CEP112: variants seen among roughly 807,000 people sequenced by gnomAD.
The protein encoded by CEP112 is centrosomal protein 112.
Under a neutral mutation model 153.0 loss-of-function variants are expected in CEP112, and 127 were observed. The observed-to-expected ratio is 0.83, with a 90% CI of 0.72 to 0.96. The LOEUF (loss-of-function observed/expected upper bound fraction) is 0.96. Among genes scored for constraint, CEP112 ranks in the 40% least tolerant of loss-of-function variants. The pLI is 0.00. For synonymous variants in CEP112, 358 were observed against 374.4 expected, an observed-to-expected ratio of 0.96 and a Z score of 0.51; for missense variants, 1,089 against 1,101.2, an observed-to-expected ratio of 0.99 and a Z score of 0.16.
At chr17:66,113,765 C>T (rs1227847170) in intron 6 of CEP112, among the ~76,000 whole-genome samples, 1 of 152,108 alleles carries the variant, frequency 6.6e-6, no homozygotes, top group Non-Finnish European at 1.5e-5. Context: ...ATTTACAATA[C>T]ACTGAGTTTG....
At chr17:65,753,691 A>C (rs2052032328) in intron 21 of CEP112, among the ~76,000 whole-genome samples, 1 of 152,190 alleles carries the variant, frequency 6.6e-6, no homozygotes. Context: ...AATGCTTAAT[A>C]AAGTATTTGT....
At chr17:66,005,830 CA>C (rs1188536631) in intron 16 of CEP112, 61 bp from the exon 17 acceptor site, 57 of 1,391,046 alleles carry the variant, frequency 4.1e-5, no homozygotes, top group Non-Finnish European at 5.3e-5. Flanking sequence ...TTCAAAGAGA[CA>C]TACAAACAAT....
chr17:65,820,707 T>TA (rs1308739880), intron 21 of CEP112, among the ~76,000 whole-genome samples: 1 of 152,088 alleles, frequency 6.6e-6, no homozygotes, highest in Non-Finnish European at 1.5e-5. Context: ...TTCAACTTCA[T>TA]AAGGTAGTTG....
chr17:66,019,407 T>C (rs993370963), intron 16 of CEP112, among the ~76,000 whole-genome samples: 2 of 152,260 alleles, frequency 1.3e-5, no homozygotes, highest in Admixed American at 1.3e-4. Flanking sequence ...CTTCGAGCTA[T>C]CAAAAAGGAT....
At chr17:65,825,673 A>C (rs981030600) in intron 21 of CEP112, among the ~76,000 whole-genome samples, 5 of 152,214 alleles carry the variant, frequency 3.3e-5, no homozygotes, top group Admixed American at 6.5e-5. Context: ...TACAGTAAAA[A>C]AATAGTTATC....
At chr17:66,077,098 A>T (rs756305096) in intron 8 of CEP112, among the ~76,000 whole-genome samples, 13 of 152,198 alleles carry the variant, frequency 8.5e-5, no homozygotes, top group Non-Finnish European at 7.3e-5. Context: ...CCCAAATGAG[A>T]AGGAATCAGA....
intron 23 of CEP112, among the ~76,000 whole-genome samples, chr17:65,710,195 G>C (rs1007914664): frequency 1.3e-5 from 2 of 152,132 alleles, no homozygotes; most frequent in South Asian, 4.1e-4. Flanking sequence ...TGCTTCTCCT[G>C]AGCACTTGAC....
intron 4 of CEP112, among the ~76,000 whole-genome samples, chr17:66,158,667 C>A (rs1173285150): frequency 6.6e-6 from 1 of 152,118 alleles, no homozygotes; most frequent in Non-Finnish European, 1.5e-5. Context: ...AACAAACACA[C>A]AATGTACCAG....
At chr17:65,940,615 G>T (rs547932283) in intron 18 of CEP112, among the ~76,000 whole-genome samples, 3 of 152,284 alleles carry the variant, frequency 2.0e-5, no homozygotes, top group African/African-American at 7.2e-5. Flanking sequence ...AGGACATTGT[G>T]TTAAGTTAAA....
chr17:65,753,754 C>CTT (rs1303406605), intron 21 of CEP112, among the ~76,000 whole-genome samples: 2 of 152,152 alleles, frequency 1.3e-5, no homozygotes, highest in African/African-American at 2.4e-5. Context: ...AGGCACTGTT[C>CTT]TAAGTGCTTT....
intron 21 of CEP112, among the ~76,000 whole-genome samples, chr17:65,798,352 A>ATT (rs2055060303): frequency 6.6e-6 from 1 of 152,186 alleles, no homozygotes; most frequent in African/African-American, 2.4e-5. Flanking sequence ...ATACTGGGGA[A>ATT]AGGCTAGCTG....
intron 18 of CEP112, among the ~76,000 whole-genome samples, chr17:65,958,272 A>C (rs2062068245): frequency 6.6e-6 from 1 of 152,146 alleles, no homozygotes; most frequent in Non-Finnish European, 1.5e-5. Context: ...ATGCTTTCCT[A>C]TTGTTTTTGT....
chr17:66,179,831 A>G (rs889962492), intron 2 of CEP112, among the ~76,000 whole-genome samples: 2 of 152,132 alleles, frequency 1.3e-5, no homozygotes, highest in African/African-American at 4.8e-5. Context: ...GGTCTGTCAT[A>G]TATGAATTTT....
intron 17 of CEP112, among the ~76,000 whole-genome samples, chr17:65,995,722 T>A (rs1476345300): frequency 1.3e-5 from 2 of 152,206 alleles, no homozygotes; most frequent in African/African-American, 2.4e-5. Flanking sequence ...AACGACTGCA[T>A]CCTCACCCAA....
Position 65,852,048 on chromosome 17 carries a change from A to G in CEP112, c.2164-14T>C, listed in dbSNP as rs754598651. ...GTCGGCAATAACCTTGTTTTTAAAA[A>G]TGGAAAAATGGGCAGAAGATATCAA... On this transcript the variant is annotated splice_polypyrimidine_tract_variant and intron_variant, in intron 20 of 26. Transcript: ENST00000535342. 2 of 1,572,606 alleles carry G rather than the reference A, an allele frequency of 1.3e-6. No individual in the cohort carries two copies. Among genetic ancestry groups the G allele is most frequent in the African/African-American group, 2.7e-5 (2 of 73,420 alleles).
At chr17:65,689,087 G>T in intron 24 of CEP112, 42 bp downstream of exon 24, 1 of 1,421,736 alleles carries the variant, frequency 7.0e-7, no homozygotes, top group Non-Finnish European at 9.9e-7. Flanking sequence ...TCTTGACCTA[G>T]AGAAAGTAAA....
intron 16 of CEP112, among the ~76,000 whole-genome samples, chr17:66,024,926 TG>T: frequency 6.6e-6 from 1 of 152,202 alleles, no homozygotes; most frequent in Non-Finnish European, 1.5e-5. Context: ...TAAAACAGCA[TG>T]GAACTGGCAT....
chr17:65,785,544 C>T (rs2054235923), intron 21 of CEP112, among the ~76,000 whole-genome samples: 1 of 152,156 alleles, frequency 6.6e-6, no homozygotes. Context: ...TGTTCTGATA[C>T]ATGATTTGTG....
At chr17:66,185,222 TA>T (rs1284023338) in intron 1 of CEP112, among the ~76,000 whole-genome samples, 5 of 152,118 alleles carry the variant, frequency 3.3e-5, no homozygotes, top group African/African-American at 9.7e-5. Context: ...GTATATAAGT[TA>T]AAAAAAATTT....
Sources: gnomAD v4.1 joint callset for allele counts (sites outside exome capture counted in the v4.1 genomes callset) on GRCh38, gnomAD v4.1.1 for gene constraint, MANE v1.5 for transcripts, NCBI Gene and HGNC (gene_info 2026-07-23, HGNC 2026-07-21) for gene names.